Variants in IMMP2L observed in about 807,000 individuals in gnomAD.
The protein encoded by IMMP2L is inner mitochondrial membrane peptidase subunit 2.
A neutral mutation model predicts 19.3 loss-of-function variants in IMMP2L; 18 were observed. The observed-to-expected ratio is 0.93, with a 90% CI of 0.64 to 1.38. The LOEUF (loss-of-function observed/expected upper bound fraction) is 1.38. IMMP2L is among the 40% of genes most tolerant of loss of function. IMMP2L has a pLI of 0.00. For synonymous variants in IMMP2L, 76 were observed against 73.0 expected (o/e 1.04, Z -0.21); for missense variants, 233 against 218.2 (o/e 1.07, Z -0.43).
In IMMP2L at chr7:111,012,283, T is replaced by C. The variant is rs193218415; in HGVS notation, c.240-48718A>G. 2.7e-3 allele frequency among the ~76,000 whole-genome samples: 411 copies of C among 152,312 alleles called. 1 individual carries two copies. The highest frequency in any genetic ancestry group is 9.5e-3 in the African/African-American group (395 of 41,576). ...ATTATTTCCATTATCATTTTGAATTTATATTGTTATTCTTCCTTTAAGGAG... is the reference window on the plus strand; with the variant it reads ...ATTATTTCCATTATCATTTTGAATTCATATTGTTATTCTTCCTTTAAGGAG... On this transcript the variant is annotated intron_variant, in intron 3 of 5. Transcript: ENST00000405709.
chr7:111,373,460 G>T (rs1830422064), intron 3 of IMMP2L, among the ~76,000 whole-genome samples: 1 of 152,072 alleles, frequency 6.6e-6, no homozygotes, highest in Non-Finnish European at 1.5e-5. Flanking sequence ...CTGCTACTAA[G>T]TAAGGTGAAG....
intron 1 of IMMP2L, among the ~76,000 whole-genome samples, chr7:111,556,562 G>A (rs575304329): frequency 6.6e-6 from 1 of 152,024 alleles, no homozygotes; most frequent in East Asian, 1.9e-4. Flanking sequence ...CCCACAGCAC[G>A]ATAGCTTTAC....
chr7:111,381,282 A>G (rs1487087931), intron 3 of IMMP2L, among the ~76,000 whole-genome samples: 1 of 151,962 alleles, frequency 6.6e-6, no homozygotes, highest in East Asian at 1.9e-4. Context: ...AAGTGAAAAC[A>G]GAGGAGCAAT....
chr7:111,554,061 T>C (rs1585668257), intron 1 of IMMP2L, among the ~76,000 whole-genome samples: 1 of 152,180 alleles, frequency 6.6e-6, no homozygotes, highest in African/African-American at 2.4e-5. Context: ...TACAATTTTT[T>C]AGCTCCAAAT....
chr7:111,460,529 T>C (rs11766326), intron 3 of IMMP2L, among the ~76,000 whole-genome samples: 65,511 of 151,854 alleles, frequency 0.43, 14,759 homozygotes, highest in Non-Finnish European at 0.5. Flanking sequence ...TTTTAATAAA[T>C]GTTTTCCTTG....
chr7:110,701,097 C>T (rs1036308888), intron 5 of IMMP2L, among the ~76,000 whole-genome samples: 1 of 152,156 alleles, frequency 6.6e-6, no homozygotes, highest in Non-Finnish European at 1.5e-5. Context: ...TATCACACTT[C>T]TGTTATACAT....
At chr7:111,017,481 A>G (rs60581416) in intron 3 of IMMP2L, among the ~76,000 whole-genome samples, 73,409 of 151,914 alleles carry the variant, frequency 0.48, 18,807 homozygotes, top group Non-Finnish European at 0.58. Flanking sequence ...CTGTACCACA[A>G]TCTTGTGCCT....
chr7:111,196,210 G>GAA (rs923420155), intron 3 of IMMP2L, among the ~76,000 whole-genome samples: 3 of 152,066 alleles, frequency 2.0e-5, no homozygotes, highest in African/African-American at 7.2e-5. Context: ...GGGACCTTAG[G>GAA]AAAAATCATG....
chr7:111,160,159 T>C (rs1175271676), intron 3 of IMMP2L, among the ~76,000 whole-genome samples: 1 of 152,108 alleles, frequency 6.6e-6, no homozygotes, highest in African/African-American at 2.4e-5. Context: ...GTATTAAATA[T>C]ATCCAAAAAA....
intron 3 of IMMP2L, among the ~76,000 whole-genome samples, chr7:111,037,335 G>T (rs1012671184): frequency 2.6e-5 from 4 of 152,108 alleles, no homozygotes; most frequent in African/African-American, 4.8e-5. Context: ...GACTGGGAAT[G>T]CAACCGATAA....
At chr7:110,726,633 TAGG>T (rs1795902015) in intron 5 of IMMP2L, among the ~76,000 whole-genome samples, 2 of 152,206 alleles carry the variant, frequency 1.3e-5, no homozygotes, top group Admixed American at 6.5e-5. Context: ...CTCTGAAGAA[TAGG>T]AGATCTCTTT....
At chr7:111,556,015 C>CATATATAT in intron 1 of IMMP2L, among the ~76,000 whole-genome samples, 1 of 13,380 alleles carries the variant, frequency 7.5e-5, no homozygotes, top group Non-Finnish European at 5.1e-4. Flanking sequence ...CTTCTGTGTG[C>CATATATAT]ATGTATATAT....
At chr7:111,392,241 A>C (rs1832430176) in intron 3 of IMMP2L, among the ~76,000 whole-genome samples, 1 of 152,160 alleles carries the variant, frequency 6.6e-6, no homozygotes, top group Admixed American at 6.6e-5. Flanking sequence ...TAACTGGACC[A>C]GTCAAGTCTC....
In IMMP2L at chr7:110,870,414, T is replaced by C. The variant is rs1162510547; in HGVS notation, c.408+16179A>G. ...TGCCTATTATGAGCCAGCCAGGCAC[T>C]GTGCTACAGCAGTGAACCAAAAGGA... On this transcript the variant is annotated intron_variant, in intron 5 of 5. Coordinates refer to ENST00000405709, the MANE Select transcript of IMMP2L (RefSeq NM_032549.4). This position sits in a 1 kb window ranked among gnomAD's most constrained non-coding sequence, Gnocchi z 4.2. Among the ~76,000 whole-genome samples the C allele has an allele frequency of 6.6e-6, 1 of 152,166 alleles. No homozygotes were observed. The highest frequency in any genetic ancestry group is 2.4e-5 in the African/African-American group (1 of 41,458).
At chr7:111,168,034 G>C (rs1806027281) in intron 3 of IMMP2L, among the ~76,000 whole-genome samples, 1 of 151,768 alleles carries the variant, frequency 6.6e-6, no homozygotes, top group African/African-American at 2.4e-5. Flanking sequence ...TATTCAAACA[G>C]TAAAATTTTT....
chr7:111,198,977 C>T (rs1809803484), intron 3 of IMMP2L, among the ~76,000 whole-genome samples: 1 of 152,140 alleles, frequency 6.6e-6, no homozygotes, highest in Non-Finnish European at 1.5e-5. Context: ...ACTGTTTCAG[C>T]TCCCAATGTC....
chr7:111,379,006 A>G (rs2131197001), intron 3 of IMMP2L, among the ~76,000 whole-genome samples: 1 of 151,900 alleles, frequency 6.6e-6, no homozygotes, highest in South Asian at 2.1e-4. Flanking sequence ...AGACCTTCCC[A>G]TATTTATGCA....
chr7:110,893,789 G>A (rs1437764487), intron 4 of IMMP2L, among the ~76,000 whole-genome samples: 1 of 152,086 alleles, frequency 6.6e-6, no homozygotes, highest in Non-Finnish European at 1.5e-5. Context: ...GAAATGGTTG[G>A]CTCACATGGT....
chr7:110,925,654 G>C (rs966964950), intron 4 of IMMP2L, among the ~76,000 whole-genome samples: 1 of 152,000 alleles, frequency 6.6e-6, no homozygotes, highest in African/African-American at 2.4e-5. Flanking sequence ...TGGCTATTAA[G>C]TAGTCCATGT....
Sources: gnomAD v4.1 joint callset for allele counts (sites outside exome capture counted in the v4.1 genomes callset) on GRCh38, gnomAD v4.1.1 for gene constraint, Gnocchi (gnomAD v3.1) non-coding constraint, MANE v1.5 for transcripts, NCBI Gene and HGNC (gene_info 2026-07-23, HGNC 2026-07-21) for gene names.